Variants in PTPN21 observed in about 807,000 individuals in gnomAD.
PTPN21 encodes tyrosine-protein phosphatase non-receptor type 21.
In PTPN21, 77 loss-of-function variants were observed where a neutral mutation model predicts 131.8. That is an observed-to-expected ratio of 0.58 (90% CI 0.49 to 0.71). PTPN21 has a LOEUF of 0.71. Ranked by LOEUF, PTPN21 falls within the 30% of genes least tolerant of loss-of-function variation. The pLI, the probability that PTPN21 is intolerant of heterozygous loss-of-function variation, is 0.00. For missense variants in PTPN21, 1,552 were observed against 1,527.1 expected (o/e 1.02, Z -0.27); for synonymous variants, 715 against 621.3 (o/e 1.15, Z -2.24).
chr14:88,550,252 G>C lies in PTPN21; in HGVS notation c.166C>G (p.Leu56Val), dbSNP rs373658931. 6.7e-5 allele frequency: 108 copies of C among 1,613,892 alleles called. No homozygotes were observed. The highest frequency in any genetic ancestry group is 6.6e-4 in the Middle Eastern group (4 of 6,060). ...QESLEAVAQR[L>V]ELREVTYFSL... is the part of the protein sequence containing the mutation. The stretch of plus-strand genomic sequence containing the variant: ...AGGTGGCTTACCTCCCGCAGCTCCA[G>C]CCTCTGGGCCACGGCCTCGAGGCTT... Residue 56 changes from leucine (L) to valine (V), a missense_variant, in exon 2 of 19, where the codon CTG (leucine) becomes GTG (valine). By Grantham distance (32) the Leu-to-Val change is conservative. Around this residue, in one of 4 missense-constraint regions of PTPN21, gnomAD observed 206 missense variants for 221.6 expected, o/e 0.93. Coordinates refer to ENST00000556564, the MANE Select transcript of PTPN21 (RefSeq NM_007039.4).
At chr14:88,471,879 T>A (rs7141363) in intron 15 of PTPN21, among the ~76,000 whole-genome samples, 56,377 of 150,870 alleles carry the variant, frequency 0.37, 11,061 homozygotes, top group African/African-American at 0.5. Context: ...GCACTCCACC[T>A]GTCTGGGCGA....
intron 2 of PTPN21, among the ~76,000 whole-genome samples, chr14:88,529,007 T>C (rs962682389): frequency 3.9e-5 from 6 of 152,194 alleles, no homozygotes; most frequent in African/African-American, 1.2e-4. Context: ...GGACTTGCAG[T>C]ACTACGTTGA....
Position 88,479,481 on chromosome 14 carries a change from C to G in PTPN21, c.1950G>C (p.Leu650=), listed in dbSNP as rs1478522715. The stretch of plus-strand genomic sequence containing the variant: ...CGGATAGGGTGCGCTCCTTGAGCCG[C>G]AGGCCCTCCAGGCCGTGGCTGAGCC... ...VAGLSHGLEG[L]RLKERTLSAS... Residue 650 remains leucine (L), a synonymous_variant, in exon 13 of 19, where the codon CTG becomes CTC. Transcript: ENST00000556564. The G allele has an allele frequency of 6.2e-7, 1 of 1,601,694 alleles. No individual in the cohort carries two copies. Among genetic ancestry groups the G allele is most frequent in the Non-Finnish European group, 8.5e-7 (1 of 1,179,112 alleles).
intron 2 of PTPN21, chr14:88,547,574 G>T (rs2078801592): frequency 2.3e-6 from 1 of 440,504 alleles, no homozygotes; most frequent in African/African-American, 2.0e-5. Flanking sequence ...GATCACTTGA[G>T]CCTAGGTGTT....
chr14:88,500,737 C>G, intron 8 of PTPN21, 46 bp downstream of exon 8: 2 of 1,310,008 alleles, frequency 1.5e-6, no homozygotes, highest in South Asian at 2.4e-5. Context: ...AAATGTATCA[C>G]CAACAGGAGC....
intron 8 of PTPN21, among the ~76,000 whole-genome samples, chr14:88,499,145 G>T (rs992397169): frequency 6.6e-6 from 1 of 152,126 alleles, no homozygotes; most frequent in African/African-American, 2.4e-5. Flanking sequence ...AACTCAGCAT[G>T]TTGGGAAGGG....
chr14:88,501,518 C>T (rs372764190), intron 6 of PTPN21, 150 bp from the exon 7 acceptor site: 10 of 696,286 alleles, frequency 1.4e-5, no homozygotes, highest in African/African-American at 3.6e-5. Context: ...ATCAATCTTG[C>T]TATTTACTGA....
At chr14:88,510,567 A>T (rs1421636072) in intron 3 of PTPN21, among the ~76,000 whole-genome samples, 1 of 152,044 alleles carries the variant, frequency 6.6e-6, no homozygotes, top group Non-Finnish European at 1.5e-5. Flanking sequence ...ATTTTTATTC[A>T]TTTAGTATGT....
intron 10 of PTPN21, among the ~76,000 whole-genome samples, chr14:88,492,027 CAA>C (rs11384622): frequency 7.1e-6 from 1 of 141,062 alleles, no homozygotes; most frequent in African/African-American, 2.6e-5. Flanking sequence ...TGTTAATTTG[CAA>C]AAAAAAAAAC....
At chr14:88,480,615 C>T (rs1474602470) in intron 12 of PTPN21, among the ~76,000 whole-genome samples, 2 of 152,048 alleles carry the variant, frequency 1.3e-5, no homozygotes, top group Non-Finnish European at 2.9e-5. Context: ...GAACCACACC[C>T]ACAGCAGACT....
At chr14:88,518,507 T>TGCAACCTCC (rs1595393476) in intron 2 of PTPN21, among the ~76,000 whole-genome samples, 1 of 128,232 alleles carries the variant, frequency 7.8e-6, no homozygotes, top group African/African-American at 2.9e-5. Flanking sequence ...CTCAGCTCAC[T>TGCAACCTCC]GCAACCTCCG....
intron 10 of PTPN21, among the ~76,000 whole-genome samples, chr14:88,495,011 T>A (rs2077884832): frequency 7.5e-5 from 1 of 13,266 alleles, no homozygotes; most frequent in Non-Finnish European, 2.3e-4. Context: ...AGACTCTGTC[T>A]CCAAAAAAAA....
At position 88,501,298 on chromosome 14, in the gene PTPN21, C is replaced by G. The variant is rs1272920510; in HGVS notation, c.658G>C (p.Glu220Gln). The G allele has an allele frequency of 1.2e-6, 2 of 1,613,700 alleles. No homozygotes were observed. ...EVERMDGYGE[E>Q]SYPAKDSQGS... ...ACACTTACCTTAGCAGGGTAGCTCT[C>G]TTCTCCATAGCCATCCATTCTCTCT... is the stretch of plus-strand genomic sequence containing the variant. Residue 220 changes from glutamate (E) to glutamine (Q), a missense_variant, in exon 7 of 19, where the codon GAG (glutamate) becomes CAG (glutamine). Around this residue, in one of 4 missense-constraint regions of PTPN21, gnomAD observed 14 missense variants for 43.5 expected, o/e 0.32. Transcript: ENST00000556564.
chr14:88,546,950 T>G (rs1417742247), intron 2 of PTPN21, among the ~76,000 whole-genome samples: 4 of 152,218 alleles, frequency 2.6e-5, no homozygotes, highest in Non-Finnish European at 5.9e-5. Flanking sequence ...ACTGTTACAT[T>G]TATGTTGGAA....
At chr14:88,552,314 C>CTT (rs2078880241) in intron 1 of PTPN21, 1 of 152,238 alleles carries the variant, frequency 6.6e-6, no homozygotes, top group East Asian at 1.9e-4. Context: ...CGCTACTACC[C>CTT]TCGGCTTTGC....
chr14:88,479,174 C>G lies in PTPN21; in HGVS notation c.2257G>C (p.Gly753Arg). ...PPGCPRVLLA[G>R]PLHILEPKAH... ...TTGGGCTCCAGGATGTGCAGGGGCC[C>G]GGCGAGCAGGACGCGAGGGCAGCCA... Residue 753 changes from glycine to arginine, a missense_variant, in exon 13 of 19, where the codon GGG becomes CGG. Transcript: ENST00000556564. 1 of 1,553,716 alleles carries G rather than the reference C, an allele frequency of 6.4e-7. No homozygotes were observed. The highest frequency in any genetic ancestry group is 8.7e-7 in the Non-Finnish European group (1 of 1,153,546).
chr14:88,509,677 T>C (rs1478394317), intron 3 of PTPN21, among the ~76,000 whole-genome samples: 2 of 152,214 alleles, frequency 1.3e-5, no homozygotes, highest in Non-Finnish European at 2.9e-5. Context: ...TAGGGAAGTC[T>C]GTCTATTGAA....
At chr14:88,468,820 G>A (rs1050046395) in intron 18 of PTPN21, 96 bp downstream of exon 18, 3 of 1,509,500 alleles carry the variant, frequency 2.0e-6, no homozygotes, top group Non-Finnish European at 2.7e-6. Flanking sequence ...ACAGTCCAAG[G>A]AAATGTGCGC....
chr14:88,492,047 AAAAC>A lies in PTPN21; in HGVS notation c.932+4362_932+4365del, dbSNP rs373991794. Among the ~76,000 whole-genome samples the A allele has an allele frequency of 6.6e-3, 996 of 151,936 alleles. 6 individuals are homozygous for A. Among genetic ancestry groups the A allele is most frequent in the African/African-American group, 0.021 (891 of 41,452 alleles). On this transcript the variant is annotated intron_variant, in intron 10 of 18. Transcript: ENST00000556564. ...ATTTGCAAAAAAAAAAACACAAAACAAAACAAACAAACAAACAAAAAACAGGCAC... is the reference window on the plus strand; with the variant it reads ...ATTTGCAAAAAAAAAAACACAAAACAAAACAAACAAACAAAAAACAGGCAC...
Sources: gnomAD v4.1 joint callset for allele counts (sites outside exome capture counted in the v4.1 genomes callset) on GRCh38, gnomAD v4.1.1 for gene constraint, gnomAD v4.1.1 regional missense constraint, MANE v1.5 for transcripts, NCBI Gene and HGNC (gene_info 2026-07-23, HGNC 2026-07-21) for gene names.